The following SCN9A variants were observed in gnomAD, a reference collection of about 807,000 sequenced individuals.
The protein encoded by SCN9A is sodium channel protein type 9 subunit alpha.
In SCN9A, 131 loss-of-function variants were observed where a neutral mutation model predicts 187.0. That is an observed-to-expected ratio of 0.70 (90% confidence interval 0.61 to 0.81). The LOEUF is 0.81. Ranked by LOEUF, SCN9A falls within the 30% of genes least tolerant of loss-of-function variation. The pLI is 0.00. For missense variants in SCN9A, 2,252 were observed against 2,396.6 expected, an observed-to-expected ratio of 0.94 and a Z score of 1.26; for synonymous variants, 809 against 808.6, an observed-to-expected ratio of 1.00 and a Z score of -0.01.
At chr2:166,357,611 C>G (rs1054558432) in intron 1 of SCN9A, among the ~76,000 whole-genome samples, 3 of 152,196 alleles carry the variant, frequency 2.0e-5, no homozygotes, top group Non-Finnish European at 4.4e-5. Flanking sequence ...AGGCGGCACT[C>G]TGGTTCCAAG....
chr2:166,241,859 G>T (rs1220716254), intron 19 of SCN9A, among the ~76,000 whole-genome samples: 1 of 152,090 alleles, frequency 6.6e-6, no homozygotes, highest in Admixed American at 6.6e-5. Flanking sequence ...ATACAAATTG[G>T]GTAGTTCTTG....
At chr2:166,288,731 G>C in intron 9 of SCN9A, 88 bp from the exon 10 acceptor site, 2 of 941,088 alleles carry the variant, frequency 2.1e-6, no homozygotes, top group South Asian at 4.1e-5. Flanking sequence ...AAATCTGACA[G>C]TTTGGTATAA....
At chr2:166,244,136 T>C (rs116838518) in intron 18 of SCN9A, among the ~76,000 whole-genome samples, 3,122 of 152,084 alleles carry the variant, frequency 0.021, 122 homozygotes, top group African/African-American at 0.072. Flanking sequence ...TGCCTGTGAA[T>C]TGTTTAAATA....
chr2:166,223,068 G>T (rs1208435263), intron 24 of SCN9A, among the ~76,000 whole-genome samples: 1 of 140,302 alleles, frequency 7.1e-6, no homozygotes, highest in African/African-American at 2.6e-5. Flanking sequence ...AAAGATAATA[G>T]GTGTTGGCAA....
chr2:166,234,462 T>C (rs1695225770), intron 20 of SCN9A, among the ~76,000 whole-genome samples: 1 of 152,192 alleles, frequency 6.6e-6, no homozygotes, highest in African/African-American at 2.4e-5. Flanking sequence ...ATTTATCTAT[T>C]TCAGGCGTAG....
At chr2:166,250,842 T>C (rs888043824) in intron 18 of SCN9A, among the ~76,000 whole-genome samples, 7 of 152,074 alleles carry the variant, frequency 4.6e-5, no homozygotes, top group Non-Finnish European at 7.4e-5. Context: ...TCTTAAGGGC[T>C]TGGGCCCTAT....
chr2:166,272,971 A>G, intron 16 of SCN9A, 96 bp from the exon 17 acceptor site: 1 of 564,142 alleles, frequency 1.8e-6, no homozygotes, highest in Non-Finnish European at 2.9e-6. Flanking sequence ...ATAGGCCACA[A>G]TACAAACCAG....
intron 1 of SCN9A, among the ~76,000 whole-genome samples, chr2:166,316,730 A>T (rs1409299833): frequency 6.6e-6 from 1 of 152,178 alleles, no homozygotes; most frequent in African/African-American, 2.4e-5. Flanking sequence ...TTTTGAGGGT[A>T]ATTTTGTAAT....
At chr2:166,298,593 A>G (rs1022007422) in intron 7 of SCN9A, 2 of 149,318 alleles carry the variant, frequency 1.3e-5, no homozygotes, top group African/African-American at 5.0e-5. Context: ...GATTGCCTTT[A>G]CCATTATAAT....
Position 166,198,639 on chromosome 2 carries a change from A to G in SCN9A, c.*33T>C, listed in dbSNP as rs199653306. The G allele has an allele frequency of 4.5e-5, 65 of 1,444,248 alleles. No homozygotes were observed. The highest frequency in any genetic ancestry group is 5.7e-5 in the Non-Finnish European group (61 of 1,065,200). 89.5% of individuals were successfully genotyped at this position (1,444,248 alleles called of 1,614,324 possible). On this transcript the variant is annotated 3_prime_UTR_variant, in exon 27 of 27. Coordinates refer to ENST00000642356, the MANE Select transcript of SCN9A (RefSeq NM_001365536.1). Reference sequence around the variant, plus strand: ...TTATTAACACAAATAAATCACTTTCACAGGCTGTAAACAATATATCAAAAA... The same window carrying G: ...TTATTAACACAAATAAATCACTTTCGCAGGCTGTAAACAATATATCAAAAA...
chr2:166,359,531 G>A (rs980500304), intron 1 of SCN9A, among the ~76,000 whole-genome samples: 3 of 151,850 alleles, frequency 2.0e-5, no homozygotes, highest in African/African-American at 7.3e-5. Flanking sequence ...TCTTACCATT[G>A]CATCCTTCAT....
chr2:166,259,033 G>A (rs1265041992), intron 17 of SCN9A, among the ~76,000 whole-genome samples: 4 of 151,596 alleles, frequency 2.6e-5, no homozygotes, highest in African/African-American at 9.7e-5. Context: ...GTCATCAAGA[G>A]AATCACAAAA....
rs114598166 is a variant in SCN9A at position 166,269,862 on chromosome 2, C to G, written c.3351+2537G>C. Among the ~76,000 whole-genome samples the G allele has an allele frequency of 2.7e-3, 409 of 152,130 alleles. 2 individuals are homozygous for G. The highest frequency in any genetic ancestry group is 4.9e-3 in the Non-Finnish European group (331 of 67,976). The stretch of plus-strand genomic sequence containing the variant: ...CCCAGCTCCTGAAGTGCTTTAACAC[C>G]TAGAATCCAAGTTTTATTCTGAGAG... On this transcript the variant is annotated intron_variant, in intron 17 of 26. Transcript: ENST00000642356.
chr2:166,222,962 A>AAAAAAAAAAAAAAAAAAAAAC (rs1694680886), intron 24 of SCN9A, among the ~76,000 whole-genome samples: 1 of 147,472 alleles, frequency 6.8e-6, no homozygotes, highest in Non-Finnish European at 1.5e-5. Flanking sequence ...AAAAAAAAAA[A>AAAAAAAAAAAAAAAAAAAAAC]AAAAAAAAAA....
In SCN9A at chr2:166,286,577, C is replaced by T. The variant is rs199825426; in HGVS notation, c.1361G>A (p.Arg454Lys). Reference protein sequence around the residue: ...AAEYTSIRRSRIMGLSESSSE... With the variant: ...AAEYTSIRRSKIMGLSESSSE... ...AGAACTCTCTGAGAGGCCCATAATTCTGCTTCTCCTAATACTTGTATATTC... is the reference window on the plus strand; with the variant it reads ...AGAACTCTCTGAGAGGCCCATAATTTTGCTTCTCCTAATACTTGTATATTC... The change falls in exon 11 of 27, where the codon AGA becomes AAA. Residue 454 changes from arginine (R) to lysine (K), a missense_variant. By Grantham distance (26) the Arg-to-Lys change is conservative. Transcript: ENST00000642356. 97 of 1,597,700 alleles carry T rather than the reference C, an allele frequency of 6.1e-5. No individual in the cohort carries two copies. The highest frequency in any genetic ancestry group is 7.9e-5 in the Non-Finnish European group (93 of 1,174,402).
rs2106336585 is a variant in SCN9A at position 166,199,105 on chromosome 2, A to T, written c.5534T>A (p.Phe1845Tyr). 1 of 1,614,148 alleles carries T rather than the reference A, an allele frequency of 6.2e-7. No individual in the cohort carries two copies. The highest frequency in any genetic ancestry group is 2.2e-5 in the East Asian group (1 of 44,870). ...RIHCLDILFA[F>Y]TKRVLGESGE... ...ACTCTCACCCAAAACACGCTTTGTA[A>T]AAGCAAATAAGATGTCAAGACAATG... is the stretch of plus-strand genomic sequence containing the variant. Residue 1845 changes from phenylalanine (F) to tyrosine (Y), a missense_variant, in exon 27 of 27, where the codon TTT (phenylalanine) becomes TAT (tyrosine). Physicochemically the swap from Phe to Tyr is conservative, Grantham distance 22. Coordinates refer to ENST00000642356, the MANE Select transcript of SCN9A (RefSeq NM_001365536.1).
At chr2:166,313,681 GT>G (rs1475896065) in intron 1 of SCN9A, among the ~76,000 whole-genome samples, 1 of 152,050 alleles carries the variant, frequency 6.6e-6, no homozygotes, top group African/African-American at 2.4e-5. Flanking sequence ...AGGCTGTTTT[GT>G]TTTCTTATCA....
chr2:166,336,227 T>C lies in SCN9A; in HGVS notation c.-50-24421A>G, dbSNP rs74757084. 9.3e-3 allele frequency among the ~76,000 whole-genome samples: 1,421 copies of C among 152,250 alleles called. 32 individuals carry two copies. The highest frequency in any genetic ancestry group is 0.031 in the African/African-American group (1,290 of 41,560). ...TTCTCATTTGTAGAGGTAAACATTTTGGCTAATGTTGGCATTTAAGCGATT... is the reference window on the plus strand; with the variant it reads ...TTCTCATTTGTAGAGGTAAACATTTCGGCTAATGTTGGCATTTAAGCGATT... On this transcript the variant is annotated intron_variant, in intron 1 of 26. Coordinates refer to ENST00000642356, the MANE Select transcript of SCN9A (RefSeq NM_001365536.1).
intron 7 of SCN9A, 75 bp downstream of exon 7, chr2:166,303,015 A>T (rs1163180020): frequency 1.2e-5 from 13 of 1,127,714 alleles, no homozygotes; most frequent in Non-Finnish European, 1.5e-5. Flanking sequence ...AAATGAAAGC[A>T]ACATTTCATT....
Sources: gnomAD v4.1 joint callset for allele counts (sites outside exome capture counted in the v4.1 genomes callset) on GRCh38, gnomAD v4.1.1 for gene constraint, MANE v1.5 for transcripts, NCBI Gene and HGNC (gene_info 2026-07-23, HGNC 2026-07-21) for gene names.